EYS: variants seen among roughly 807,000 people sequenced by gnomAD.
The protein encoded by EYS is EGF-like photoreceptor maintenance factor.
Under a neutral mutation model 282.1 loss-of-function variants are expected in EYS, and 250 were observed. That is an observed-to-expected ratio of 0.89 (90% CI 0.80 to 0.98). The LOEUF is 0.98. Among genes scored for constraint, EYS ranks in the 50% least tolerant of loss-of-function variants. EYS has a pLI of 0.00. For missense variants in EYS, 4,016 were observed against 3,709.0 expected, an observed-to-expected ratio of 1.08 and a Z score of -2.15; for synonymous variants, 1,355 against 1,282.9, an observed-to-expected ratio of 1.06 and a Z score of -1.20.
At chr6:65,473,450 C>T (rs1765288846) in intron 5 of EYS, among the ~76,000 whole-genome samples, 1 of 151,734 alleles carries the variant, frequency 6.6e-6, no homozygotes, top group South Asian at 2.1e-4. Context: ...AGACTAGAGG[C>T]CACTGTATTT....
intron 37 of EYS, among the ~76,000 whole-genome samples, chr6:63,802,789 T>G (rs1582222016): frequency 1.3e-5 from 2 of 152,232 alleles, no homozygotes; most frequent in African/African-American, 2.4e-5. Context: ...TCAGCTGGTC[T>G]TCTTGCTCCC....
chr6:64,951,625 G>T (rs1262465588), intron 14 of EYS, among the ~76,000 whole-genome samples: 1 of 151,388 alleles, frequency 6.6e-6, no homozygotes, highest in Non-Finnish European at 1.5e-5. Context: ...AGACAAATAG[G>T]GAATTCCACT....
intron 29 of EYS, among the ~76,000 whole-genome samples, chr6:64,321,159 A>G (rs1922974): frequency 0.69 from 103,922 of 151,460 alleles, 35,690 homozygotes; most frequent in South Asian, 0.71. Context: ...TGATTGCCCA[A>G]CTTTACAGAT....
At chr6:64,028,898 C>G (rs769580336) in intron 33 of EYS, among the ~76,000 whole-genome samples, 1 of 152,170 alleles carries the variant, frequency 6.6e-6, no homozygotes, top group African/African-American at 2.4e-5. Context: ...AATATCTAGG[C>G]CTAATCTTAG....
intron 33 of EYS, among the ~76,000 whole-genome samples, chr6:64,019,701 G>C (rs58949381): frequency 6.6e-6 from 1 of 151,780 alleles, no homozygotes; most frequent in Non-Finnish European, 1.5e-5. Context: ...GAGCCACCAC[G>C]CTCAGCCTCG....
intron 1 of EYS, among the ~76,000 whole-genome samples, chr6:65,706,368 G>T (rs1253199898): frequency 6.6e-6 from 1 of 151,768 alleles, no homozygotes; most frequent in Non-Finnish European, 1.5e-5. Flanking sequence ...AAATAATAAA[G>T]ATTTTTAAGC....
chr6:64,317,635 T>A (rs1008263903), intron 29 of EYS, among the ~76,000 whole-genome samples: 6 of 152,068 alleles, frequency 3.9e-5, no homozygotes, highest in Non-Finnish European at 8.8e-5. Flanking sequence ...TCCTCAAGGA[T>A]CTAGAACTAG....
chr6:63,850,191 C>A (rs183882691), intron 36 of EYS, among the ~76,000 whole-genome samples: 1 of 152,094 alleles, frequency 6.6e-6, no homozygotes, highest in Non-Finnish European at 1.5e-5. Flanking sequence ...AAGACCAAAC[C>A]TATGATTGAT....
chr6:64,903,890 T>C (rs913030552), intron 16 of EYS, among the ~76,000 whole-genome samples: 8 of 152,046 alleles, frequency 5.3e-5, no homozygotes, highest in Non-Finnish European at 1.0e-4. Flanking sequence ...GCCTCTTCGG[T>C]AGTATATAAT....
chr6:64,325,260 A>G lies in EYS; in HGVS notation c.6079-18178T>C, dbSNP rs558369502. Among the ~76,000 whole-genome samples the G allele has an allele frequency of 1.1e-3, 167 of 152,272 alleles. 2 individuals are homozygous for G. The highest frequency in any genetic ancestry group is 1.3e-3 in the Non-Finnish European group (88 of 68,012). On this transcript the variant is annotated intron_variant, in intron 29 of 42. Coordinates refer to ENST00000503581, the MANE Select transcript of EYS (RefSeq NM_001142800.2). ...GTTAATATCACAGGACTCTGTGCAG[A>G]CAACCCCCTGGAGCCGGGTAGGCTT...
chr6:64,448,705 C>T lies in EYS; in HGVS notation c.5645-9353G>A, dbSNP rs150351171. Among the ~76,000 whole-genome samples the T allele has an allele frequency of 5.9e-3, 897 of 152,228 alleles. 9 individuals carry two copies. The highest frequency in any genetic ancestry group is 0.019 in the African/African-American group (781 of 41,546). ...GCAGCATTTGCGGTTCACCAATATC[C>T]GCTGTTCTGCATCCTCCACTGCTGA... On this transcript the variant is annotated intron_variant, in intron 26 of 42. Coordinates refer to ENST00000503581, the MANE Select transcript of EYS (RefSeq NM_001142800.2).
intron 22 of EYS, among the ~76,000 whole-genome samples, chr6:64,797,453 G>C (rs938907396): frequency 5.3e-5 from 8 of 151,944 alleles, no homozygotes; most frequent in African/African-American, 1.9e-4. Context: ...TGAATTTTCA[G>C]AGAAATCCTT....
intron 7 of EYS, among the ~76,000 whole-genome samples, chr6:65,393,339 T>C (rs901069810): frequency 6.6e-6 from 1 of 151,986 alleles, no homozygotes; most frequent in Admixed American, 6.6e-5. Context: ...AAATTAGCCT[T>C]ATAAATGTGA....
intron 37 of EYS, among the ~76,000 whole-genome samples, chr6:63,803,876 G>A (rs1770838260): frequency 6.6e-6 from 1 of 152,120 alleles, no homozygotes; most frequent in Non-Finnish European, 1.5e-5. Flanking sequence ...TAAAGTAATG[G>A]CAATGAAGGA....
intron 36 of EYS, among the ~76,000 whole-genome samples, chr6:63,841,783 C>G (rs947436160): frequency 2.6e-5 from 4 of 152,056 alleles, no homozygotes; most frequent in Admixed American, 2.0e-4. Flanking sequence ...CAACAGGCAC[C>G]CGTGTGTGAT....
At chr6:65,365,119 C>T (rs866583430) in intron 8 of EYS, among the ~76,000 whole-genome samples, 10 of 151,710 alleles carry the variant, frequency 6.6e-5, no homozygotes, top group African/African-American at 2.4e-4. Flanking sequence ...TCTAGGGAAA[C>T]TTGGTAACCA....
At chr6:64,021,157 GA>G (rs66796703) in intron 33 of EYS, among the ~76,000 whole-genome samples, 5,343 of 145,534 alleles carry the variant, frequency 0.037, 276 homozygotes, top group African/African-American at 0.11. Flanking sequence ...GTTTTCAAGG[GA>G]AAAAAAAAAA....
intron 31 of EYS, among the ~76,000 whole-genome samples, chr6:64,208,531 G>C (rs1245913593): frequency 6.6e-6 from 1 of 152,038 alleles, no homozygotes; most frequent in Non-Finnish European, 1.5e-5. Flanking sequence ...GTATATTACA[G>C]TAAATTTACA....
intron 22 of EYS, among the ~76,000 whole-genome samples, chr6:64,810,582 T>G (rs1406835319): frequency 6.6e-6 from 1 of 152,090 alleles, no homozygotes; most frequent in Non-Finnish European, 1.5e-5. Context: ...TCTTTACCTT[T>G]TTTGTTTATT....
Sources: gnomAD v4.1 joint callset for allele counts (sites outside exome capture counted in the v4.1 genomes callset) on GRCh38, gnomAD v4.1.1 for gene constraint, MANE v1.5 for transcripts, NCBI Gene and HGNC (gene_info 2026-07-23, HGNC 2026-07-21) for gene names.